The following RRM2 variants were observed in gnomAD, a reference collection of about 807,000 sequenced individuals.
The protein encoded by RRM2 is ribonucleotide reductase regulatory subunit M2.
A neutral mutation model predicts 45.9 loss-of-function variants in RRM2; 6 were observed. The observed-to-expected ratio is 0.13, with a 90% CI of 0.07 to 0.26. The LOEUF is 0.26. Ranked by LOEUF, RRM2 falls within the 10% of genes least tolerant of loss-of-function variation. The probability of loss-of-function intolerance (pLI) is 1.00; values close to 1 mark genes in which losing one functional copy is unlikely to be tolerated. For missense variants in RRM2, 343 were observed against 489.5 expected (o/e 0.70, Z 2.82); for synonymous variants, 177 against 173.0 (o/e 1.02, Z -0.18).
chr2:10,151,295 AT>A (rs1197139714), intron 3 of RRM2, among the ~76,000 whole-genome samples: 37,385 of 111,918 alleles, frequency 0.33, 4,975 homozygotes, highest in East Asian at 0.67. Context: ...CTGCATGTAG[AT>A]TTTTTTTTTT....
chr2:10,159,090 C>T (rs1280079075), intron 3 of RRM2, among the ~76,000 whole-genome samples: 1 of 152,042 alleles, frequency 6.6e-6, no homozygotes, highest in Non-Finnish European at 1.5e-5. Flanking sequence ...ACCAAATTGG[C>T]CCTAATTTTT....
At chr2:10,207,092 C>G (rs1408371528) in intron 3 of RRM2, among the ~76,000 whole-genome samples, 2 of 152,188 alleles carry the variant, frequency 1.3e-5, no homozygotes, top group Non-Finnish European at 2.9e-5. Context: ...AAAGGACTCA[C>G]AATCTGCTCT....
chr2:10,142,674 C>T (rs1663109592), intron 3 of RRM2, among the ~76,000 whole-genome samples: 1 of 152,096 alleles, frequency 6.6e-6, no homozygotes, highest in African/African-American at 2.4e-5. Flanking sequence ...TGGCCAGATC[C>T]CCCACCCCAC....
At chr2:10,174,058 A>G (rs1028735963) in intron 3 of RRM2, among the ~76,000 whole-genome samples, 1 of 152,154 alleles carries the variant, frequency 6.6e-6, no homozygotes, top group African/African-American at 2.4e-5. Context: ...TTATGGTTAA[A>G]TGAGGTCGTA....
chr2:10,157,782 C>T (rs1216340919), intron 3 of RRM2, among the ~76,000 whole-genome samples: 2 of 152,118 alleles, frequency 1.3e-5, no homozygotes, highest in Non-Finnish European at 2.9e-5. Flanking sequence ...CTATTAGAGG[C>T]AACTAATGGC....
chr2:10,181,826 G>A (rs1248786241), intron 3 of RRM2, among the ~76,000 whole-genome samples: 1 of 131,250 alleles, frequency 7.6e-6, no homozygotes, highest in Non-Finnish European at 1.5e-5. Context: ...GTGCAGTGTT[G>A]CGATCATGGC....
At chr2:10,193,356 C>T (rs1463795313) in intron 3 of RRM2, among the ~76,000 whole-genome samples, 1 of 152,236 alleles carries the variant, frequency 6.6e-6, no homozygotes, top group Non-Finnish European at 1.5e-5. Flanking sequence ...TGGTGGCCTC[C>T]TCTCCTCCAG....
intron 3 of RRM2, among the ~76,000 whole-genome samples, chr2:10,147,555 C>T (rs1363513731): frequency 6.6e-6 from 1 of 152,182 alleles, no homozygotes; most frequent in Non-Finnish European, 1.5e-5. Flanking sequence ...TGAGCCACCA[C>T]GCCCGGCTAG....
intron 3 of RRM2, among the ~76,000 whole-genome samples, chr2:10,178,914 G>A (rs1393178067): frequency 2.6e-5 from 4 of 152,140 alleles, no homozygotes; most frequent in Admixed American, 6.6e-5. Flanking sequence ...ACAAACTGCC[G>A]TCTATGAATC....
At chr2:10,142,175 A>G in intron 2 of RRM2, 1 of 1,554,004 alleles carries the variant, frequency 6.4e-7, no homozygotes, top group Non-Finnish European at 8.8e-7. Flanking sequence ...GAGGGGTGGG[A>G]GATGGGGCTG....
chr2:10,133,834 C>T (rs1378942307), downstream of RRM2, among the ~76,000 whole-genome samples: 1 of 151,762 alleles, frequency 6.6e-6, no homozygotes, highest in Non-Finnish European at 1.5e-5. Context: ...ACTAAGGAAC[C>T]GAACTCCTCT....
At chr2:10,155,703 C>T (rs1024831719) in intron 3 of RRM2, 15 of 152,348 alleles carry the variant, frequency 9.8e-5, no homozygotes, top group African/African-American at 3.6e-4. Flanking sequence ...CCATGAGCCA[C>T]TGGGCCTGAC....
At chr2:10,150,771 G>GTTT (rs61292654) in intron 3 of RRM2, among the ~76,000 whole-genome samples, 31,571 of 92,098 alleles carry the variant, frequency 0.34, 4,878 homozygotes, top group Non-Finnish European at 0.39. Context: ...AGTGTGTTGT[G>GTTT]TTTTTTTTTT....
chr2:10,183,977 C>CA (rs1481150742), intron 3 of RRM2, among the ~76,000 whole-genome samples: 1 of 150,366 alleles, frequency 6.7e-6, no homozygotes, highest in African/African-American at 2.4e-5. Flanking sequence ...CCTGTAGTCC[C>CA]AGCTACTGGG....
chr2:10,124,128 GAC>G (rs1342399841), intron 4 of RRM2: 7 of 315,614 alleles, frequency 2.2e-5, no homozygotes, highest in Non-Finnish European at 2.9e-5. Context: ...TTTTTTTTGA[GAC>G]AGAGTCTCAC....
At chr2:10,142,838 G>T (rs1663114017) in intron 3 of RRM2, among the ~76,000 whole-genome samples, 1 of 152,174 alleles carries the variant, frequency 6.6e-6, no homozygotes, top group African/African-American at 2.4e-5. Context: ...GCTCACCTCT[G>T]CCTTGAACCT....
chr2:10,180,017 A>G (rs1457786971), intron 3 of RRM2, among the ~76,000 whole-genome samples: 6 of 152,124 alleles, frequency 3.9e-5, no homozygotes, highest in African/African-American at 2.4e-5. Context: ...GGCCCCACCA[A>G]TGACTTTCCT....
chr2:10,177,086 A>T (rs1003694427), intron 3 of RRM2, among the ~76,000 whole-genome samples: 6 of 152,132 alleles, frequency 3.9e-5, no homozygotes, highest in Non-Finnish European at 8.8e-5. Context: ...TCTTTACTAA[A>T]AATACAAAAA....
At chr2:10,136,843 T>C (rs2125310528), upstream of RRM2, among the ~76,000 whole-genome samples, 1 of 152,226 alleles carries the variant, frequency 6.6e-6, no homozygotes, top group African/African-American at 2.4e-5. Flanking sequence ...TGAGCCACAC[T>C]TTAAGGCTTT....
Sources: allele counts gnomAD v4.1 joint callset (sites outside exome capture counted in the v4.1 genomes callset), GRCh38; gene constraint gnomAD v4.1.1; transcripts MANE v1.5; gene names NCBI Gene and HGNC (gene_info 2026-07-23, HGNC 2026-07-21).